Variants in SQSTM1 observed in about 807,000 individuals in gnomAD.
SQSTM1 encodes sequestosome 1.
A neutral mutation model predicts 45.1 loss-of-function variants in SQSTM1; 36 were observed. The ratio of observed to expected loss-of-function variants is 0.80; its 90% CI spans 0.61 to 1.05. The LOEUF is 1.05. Among genes scored for constraint, SQSTM1 ranks in the 50% least tolerant of loss-of-function variants. SQSTM1 has a pLI of 0.00. For missense variants in SQSTM1, 617 were observed against 607.1 expected, an observed-to-expected ratio of 1.02 and a Z score of -0.17; for synonymous variants, 290 against 244.3, an observed-to-expected ratio of 1.19 and a Z score of -1.74.
intron 1 of SQSTM1, among the ~76,000 whole-genome samples, chr5:179,809,615 G>A (rs1757331894): frequency 6.9e-6 from 1 of 144,466 alleles, no homozygotes; most frequent in Non-Finnish European, 1.5e-5. Context: ...GGGATTACAG[G>A]CATGAGCCAC....
intron 5 of SQSTM1, among the ~76,000 whole-genome samples, chr5:179,826,557 A>AAG (rs1757995418): frequency 6.6e-6 from 1 of 151,682 alleles, no homozygotes; most frequent in South Asian, 2.1e-4. Flanking sequence ...ACTAGAGTTT[A>AAG]GAGGTGAAGT....
rs1758567370 is a variant in SQSTM1 at position 179,836,571 on chromosome 5, C to T, written c.1301C>T (p.Ser434Leu). 6.2e-7 allele frequency: 1 copy of T among 1,614,058 alleles called. No homozygotes were observed. Among genetic ancestry groups the T allele is most frequent in the African/African-American group, 1.3e-5 (1 of 74,916 alleles). ...IGAALDTIQY[S>L]KHPPPL ...GCGGCTCTGGACACCATCCAGTATT[C>T]AAAGCATCCCCCGCCGTTGTGACCA... Residue 434 changes from serine to leucine, a missense_variant, in exon 8 of 8, where the codon TCA becomes TTA. Coordinates refer to ENST00000389805, the MANE Select transcript of SQSTM1 (RefSeq NM_003900.5).
At chr5:179,834,635 C>T (rs986298190) in intron 7 of SQSTM1, among the ~76,000 whole-genome samples, 3 of 151,932 alleles carry the variant, frequency 2.0e-5, no homozygotes, top group Admixed American at 2.0e-4. Context: ...ATGCTGCCTT[C>T]AAGCATCTGT....
chr5:179,823,232 G>T (rs921706886), intron 2 of SQSTM1, among the ~76,000 whole-genome samples, 179 bp downstream of exon 2: 9 of 151,918 alleles, frequency 5.9e-5, no homozygotes, highest in African/African-American at 1.9e-4. Flanking sequence ...TTGGGAGGCC[G>T]AGGCGGGCAG....
intron 1 of SQSTM1, chr5:179,807,944 C>G (rs535920060): frequency 6.6e-6 from 1 of 152,498 alleles, no homozygotes; most frequent in East Asian, 1.9e-4. Context: ...AGCCACCACG[C>G]ACGGCCCATT....
Position 179,837,902 on chromosome 5 carries a change from C to T in SQSTM1, c.*1309C>T. 1 of 1,594,720 alleles carries T rather than the reference C, an allele frequency of 6.3e-7. No homozygotes were observed. The highest frequency in any genetic ancestry group is 8.5e-7 in the Non-Finnish European group (1 of 1,175,552). On this transcript the variant is annotated 3_prime_UTR_variant, in exon 8 of 8. Coordinates refer to ENST00000389805, the MANE Select transcript of SQSTM1 (RefSeq NM_003900.5). ...AGCCTGTCCCTGAAAGAGAAGATGG[C>T]CATGCCCTCCATGTGTAAGAACAAT...
chr5:179,832,835 T>C lies in SQSTM1; in HGVS notation c.755-197T>C, dbSNP rs55714456. 0.084 allele frequency among the ~76,000 whole-genome samples: 12,824 copies of C among 152,148 alleles called. 1,242 individuals are homozygous for C. The highest frequency in any genetic ancestry group is 0.24 in the African/African-American group (9,956 of 41,450). ...GTATCGTCTGGTCCCATACTGGCTG[T>C]GTGATTGCGGGGTCGAGCTGGGTAG... is the stretch of plus-strand genomic sequence containing the variant. On this transcript the variant is annotated intron_variant, in intron 5 of 7. Coordinates refer to ENST00000389805, the MANE Select transcript of SQSTM1 (RefSeq NM_003900.5).
upstream of SQSTM1, chr5:179,820,790 C>T: frequency 6.7e-6 from 5 of 744,852 alleles, no homozygotes; most frequent in Non-Finnish European, 9.9e-6. Context: ...CAGGGCGGCT[C>T]TCGCGCCGCG....
In SQSTM1 at chr5:179,822,582, G is replaced by T. The variant is rs1021747419; in HGVS notation, c.206-376G>T. 3.4e-5 allele frequency: 12 copies of T among 348,200 alleles called. 1 individual carries two copies. The highest frequency in any genetic ancestry group is 2.2e-4 in the East Asian group (3 of 13,552). The allele number at this position is 348,200 out of a possible 1,614,324, so 21.6% of individuals were successfully genotyped here. On this transcript the variant is annotated intron_variant, in intron 1 of 7. Coordinates refer to ENST00000389805, the MANE Select transcript of SQSTM1 (RefSeq NM_003900.5). ...GTGGGGCTGGGCCCCTCAGGAGCAG[G>T]TCACAGGCAGGGATCTCCCACAGTT...
At chr5:179,819,278 C>T (rs968285971), upstream of SQSTM1, among the ~76,000 whole-genome samples, 11 of 152,304 alleles carry the variant, frequency 7.2e-5, no homozygotes, top group East Asian at 1.2e-3. Flanking sequence ...GGGTGTCCAC[C>T]CCAGCTTCCC....
chr5:179,828,395 C>T (rs1048190138), intron 5 of SQSTM1, among the ~76,000 whole-genome samples: 6 of 77,618 alleles, frequency 7.7e-5, no homozygotes, highest in Non-Finnish European at 1.4e-4. Flanking sequence ...TTTTTTGAGA[C>T]AGACTTTTGC....
chr5:179,827,557 T>C (rs1758047998), intron 5 of SQSTM1, among the ~76,000 whole-genome samples: 2 of 152,224 alleles, frequency 1.3e-5, no homozygotes, highest in Non-Finnish European at 2.9e-5. Flanking sequence ...GTGCTGGGAT[T>C]ACAGGCGTGA....
rs1305548045 is a variant in SQSTM1, at chr5:179,824,329, G to A, written c.673+6G>A. The A allele has an allele frequency of 6.2e-7, 1 of 1,613,388 alleles. No homozygotes were observed. The highest frequency in any genetic ancestry group is 1.3e-5 in the African/African-American group (1 of 74,932). ...TGGCCCCACGGCAGAATCAGGTGAG[G>A]CTTGTGTTGGAACCTGCTTCTGATT... On this transcript the variant is annotated splice_donor_region_variant and intron_variant, in intron 4 of 7. Coordinates refer to ENST00000389805, the MANE Select transcript of SQSTM1 (RefSeq NM_003900.5).
Position 179,833,120 on chromosome 5 carries a change from G to C in SQSTM1, c.843G>C (p.Lys281Asn). The C allele has an allele frequency of 6.2e-7, 1 of 1,614,218 alleles. No individual in the cohort carries two copies. The highest frequency in any genetic ancestry group is 1.3e-5 in the African/African-American group (1 of 75,058). ...CAGAGAGTTCCAGCACAGAGGAGAAGAGCAGCTCACAGCCAAGCAGCTGCT... is the reference window on the plus strand; with the variant it reads ...CAGAGAGTTCCAGCACAGAGGAGAACAGCAGCTCACAGCCAAGCAGCTGCT... ...VSPESSSTEE[K>N]SSSQPSSCCS... Residue 281 changes from lysine to asparagine, a missense_variant, in exon 6 of 8, where the codon AAG becomes AAC. Lys to Asn is a moderately conservative substitution (Grantham distance 94). Coordinates refer to ENST00000389805, the MANE Select transcript of SQSTM1 (RefSeq NM_003900.5).
chr5:179,814,496 T>G (rs1757521818), upstream of SQSTM1, among the ~76,000 whole-genome samples: 1 of 152,200 alleles, frequency 6.6e-6, no homozygotes, highest in African/African-American at 2.4e-5. Flanking sequence ...CAAATTTCTC[T>G]GATCTAATAA....
rs1758626498 is a variant in SQSTM1, at chr5:179,837,347, C to T, written c.*754C>T. 2 of 1,581,884 alleles carry T rather than the reference C, an allele frequency of 1.3e-6. No homozygotes were observed. The highest frequency in any genetic ancestry group is 1.7e-6 in the Non-Finnish European group (2 of 1,163,940). ...AAAAGTGCCTTAGGGGAACCCTGTC[C>T]CTCCTAACAAGTGTATCTCGATTAA... is the stretch of plus-strand genomic sequence containing the variant. On this transcript the variant is annotated 3_prime_UTR_variant, in exon 8 of 8. Coordinates refer to ENST00000389805, the MANE Select transcript of SQSTM1 (RefSeq NM_003900.5).
chr5:179,816,462 C>T (rs1027438592), upstream of SQSTM1, among the ~76,000 whole-genome samples: 116 of 152,290 alleles, frequency 7.6e-4, 1 homozygote, highest in South Asian at 8.3e-4. Flanking sequence ...AGAAGGTTTT[C>T]GATGGCAGCA....
rs1212087685 is a variant in SQSTM1, at chr5:179,821,521, T to C, written c.205+380T>C. ...GGGCACTGGGTGGTCAGGCGGGCAC[T>C]CGGGTTACACTGACACCTTGCTGCG... On this transcript the variant is annotated intron_variant, in intron 1 of 7. Transcript: ENST00000389805. The C allele has an allele frequency of 1.0e-5, 5 of 498,330 alleles. No homozygotes were observed. The East Asian group carries it at 2.9e-4, about 29-fold the overall frequency. The allele number at this position is 498,330 out of a possible 1,614,324, so 30.9% of individuals were successfully genotyped here.
chr5:179,834,239 G>GGGGT (rs1554091562), intron 7 of SQSTM1, among the ~76,000 whole-genome samples: 2 of 104,022 alleles, frequency 1.9e-5, no homozygotes, highest in African/African-American at 8.2e-5. Flanking sequence ...GCAGCAGTGG[G>GGGGT]GGGGTGGGGG....
Sources: allele counts gnomAD v4.1 joint callset (sites outside exome capture counted in the v4.1 genomes callset), GRCh38; gene constraint gnomAD v4.1.1; transcripts MANE v1.5; gene names NCBI Gene and HGNC (gene_info 2026-07-23, HGNC 2026-07-21).